Variants in R3HDM1 observed in about 807,000 individuals in gnomAD.
The protein encoded by R3HDM1 is R3H domain-containing protein 1.
R3HDM1 carries 46 observed loss-of-function variants against 141.1 expected under a neutral mutation model. The observed-to-expected ratio is 0.33, with a 90% CI of 0.26 to 0.42. The LOEUF is 0.42. Among genes scored for constraint, R3HDM1 ranks in the 10% least tolerant of loss-of-function variants. R3HDM1 has a pLI of 1.00. For missense variants in R3HDM1, 1,184 were observed against 1,368.3 expected, an observed-to-expected ratio of 0.87 and a Z score of 2.12; for synonymous variants, 435 against 472.9, an observed-to-expected ratio of 0.92 and a Z score of 1.04.
chr2:135,577,711 G>A (rs745820515), intron 1 of R3HDM1, among the ~76,000 whole-genome samples: 1 of 151,602 alleles, frequency 6.6e-6, no homozygotes, highest in Non-Finnish European at 1.5e-5. Flanking sequence ...GGTGGTGGGC[G>A]CCTGTAATCC....
chr2:135,571,814 C>A (rs191948374), intron 1 of R3HDM1, among the ~76,000 whole-genome samples: 1 of 152,038 alleles, frequency 6.6e-6, no homozygotes, highest in Non-Finnish European at 1.5e-5. Context: ...TTTGTAGAGA[C>A]GGGGTTTCAC....
At chr2:135,709,305 C>T (rs1250610017) in intron 21 of R3HDM1, 128 bp from the exon 22 acceptor site, 1 of 1,247,774 alleles carries the variant, frequency 8.0e-7, no homozygotes, top group Non-Finnish European at 1.1e-6. Context: ...GATCTCCTGA[C>T]CTCGTGATCC....
intron 1 of R3HDM1, among the ~76,000 whole-genome samples, chr2:135,553,085 G>A (rs1385132984): frequency 6.6e-6 from 1 of 152,066 alleles, no homozygotes; most frequent in Non-Finnish European, 1.5e-5. Flanking sequence ...GCCCAGGGTG[G>A]TCCTGAGCTC....
rs10558924 is a variant in R3HDM1, at chr2:135,541,851, TAAAAA to T, written c.-250+10234_-250+10238del. ...GAGTTGCCACAAACCTTCAATTTGT[TAAAAA>T]AAAAAAAAAAAAAAAGAAAGAAAGA... On this transcript the variant is annotated intron_variant, in intron 1 of 26. Transcript: ENST00000683871. Among the ~76,000 whole-genome samples the T allele has an allele frequency of 8.3e-3, 1,012 of 121,912 alleles. 13 individuals are homozygous for T. The highest frequency in any genetic ancestry group is 0.026 in the African/African-American group (923 of 35,676). 80.0% of individuals were successfully genotyped at this position (121,912 alleles called of 152,430 possible).
chr2:135,582,905 A>G (rs968236117), intron 1 of R3HDM1, among the ~76,000 whole-genome samples: 1 of 152,210 alleles, frequency 6.6e-6, no homozygotes, highest in Non-Finnish European at 1.5e-5. Context: ...CTTTACTTCA[A>G]AAAGAAAAGG....
At chr2:135,553,834 G>A (rs1220096371) in intron 1 of R3HDM1, among the ~76,000 whole-genome samples, 2 of 152,214 alleles carry the variant, frequency 1.3e-5, no homozygotes, top group Non-Finnish European at 2.9e-5. Context: ...GGGATTACAG[G>A]CGTGAGCCAC....
At chr2:135,649,517 A>G (rs1325359514) in intron 16 of R3HDM1, among the ~76,000 whole-genome samples, 2 of 152,196 alleles carry the variant, frequency 1.3e-5, no homozygotes, top group African/African-American at 4.8e-5. Context: ...ATACTGCAAA[A>G]TAGGGCAACC....
At chr2:135,558,184 TAC>T (rs544320568) in intron 1 of R3HDM1, among the ~76,000 whole-genome samples, 318 of 152,356 alleles carry the variant, frequency 2.1e-3, no homozygotes, top group Admixed American at 4.5e-3. Context: ...TAGAGTTGTA[TAC>T]AGTGATGGAA....
intron 1 of R3HDM1, among the ~76,000 whole-genome samples, chr2:135,555,039 C>T (rs990121954): frequency 7.9e-5 from 12 of 152,112 alleles, no homozygotes; most frequent in South Asian, 2.1e-4. Context: ...TGGTGGTTCA[C>T]GTCTGTAATC....
intron 3 of R3HDM1, among the ~76,000 whole-genome samples, chr2:135,610,651 C>T (rs909073966): frequency 6.6e-6 from 1 of 152,152 alleles, no homozygotes; most frequent in African/African-American, 2.4e-5. Context: ...GAAGGCAGTA[C>T]ATAACAAATT....
intron 21 of R3HDM1, among the ~76,000 whole-genome samples, chr2:135,699,336 A>G (rs1488396703): frequency 6.6e-6 from 1 of 152,182 alleles, no homozygotes; most frequent in Non-Finnish European, 1.5e-5. Flanking sequence ...AGATAGATGC[A>G]TGTGTTTGTA....
intron 1 of R3HDM1, among the ~76,000 whole-genome samples, chr2:135,540,471 G>A (rs1348444513): frequency 6.6e-6 from 1 of 152,210 alleles, no homozygotes; most frequent in Non-Finnish European, 1.5e-5. Flanking sequence ...TGTTGCCCAG[G>A]TTGGAGTGTA....
chr2:135,683,991 T>C (rs892793714), intron 21 of R3HDM1, among the ~76,000 whole-genome samples: 1 of 151,830 alleles, frequency 6.6e-6, no homozygotes, highest in African/African-American at 2.4e-5. Context: ...CATACATACA[T>C]ACATACATAC....
chr2:135,712,507 A>G (rs1239470891), intron 23 of R3HDM1, among the ~76,000 whole-genome samples: 1 of 150,330 alleles, frequency 6.7e-6, no homozygotes, highest in African/African-American at 2.4e-5. Context: ...CCTGAGCTCA[A>G]GCGGTCCACC....
intron 21 of R3HDM1, among the ~76,000 whole-genome samples, chr2:135,695,111 T>TAA (rs2073043047): frequency 6.6e-6 from 1 of 152,154 alleles, no homozygotes. Context: ...TGAAAAATCA[T>TAA]AAAAGCAAAA....
At chr2:135,536,879 C>T (rs762880050) in intron 1 of R3HDM1, 1 of 226,032 alleles carries the variant, frequency 4.4e-6, no homozygotes, top group Non-Finnish European at 7.4e-6. Context: ...TTACTGTGAA[C>T]TGCGCATGCA....
intron 17 of R3HDM1, 83 bp from the exon 18 acceptor site, chr2:135,651,647 T>C (rs2065163229): frequency 1.3e-6 from 2 of 1,489,584 alleles, no homozygotes; most frequent in Non-Finnish European, 8.9e-7. Flanking sequence ...TTGCATCTTA[T>C]TTAAAAATAG....
At chr2:135,632,046 A>AT in intron 9 of R3HDM1, 45 bp downstream of exon 9, 1 of 1,404,554 alleles carries the variant, frequency 7.1e-7, no homozygotes, top group Non-Finnish European at 9.6e-7. Flanking sequence ...TCTAAATAAT[A>AT]ATACTTTATC....
chr2:135,564,224 C>T (rs1308176109), intron 1 of R3HDM1, among the ~76,000 whole-genome samples: 1 of 152,212 alleles, frequency 6.6e-6, no homozygotes, highest in African/African-American at 2.4e-5. Context: ...TATGCAGCTT[C>T]TTTCTTACCA....
Sources: allele counts gnomAD v4.1 joint callset (sites outside exome capture counted in the v4.1 genomes callset), GRCh38; gene constraint gnomAD v4.1.1; transcripts MANE v1.5; gene names NCBI Gene and HGNC (gene_info 2026-07-23, HGNC 2026-07-21).